Variants in SEC62 observed in about 807,000 individuals in gnomAD.
The protein encoded by SEC62 is translocation protein SEC62.
A neutral mutation model predicts 47.5 loss-of-function variants in SEC62; 10 were observed. The ratio of observed to expected loss-of-function variants is 0.21; its 90% confidence interval spans 0.13 to 0.36. SEC62 has a LOEUF of 0.36. Ranked by LOEUF, SEC62 falls within the 10% of genes least tolerant of loss-of-function variation. The probability of loss-of-function intolerance (pLI) is 1.00; values close to 1 mark genes in which losing one functional copy is unlikely to be tolerated. For missense variants in SEC62, 327 were observed against 464.1 expected (o/e 0.70, Z 2.71); for synonymous variants, 136 against 150.5 (o/e 0.90, Z 0.71).
At chr3:169,973,915 T>C (rs570011749) in intron 1 of SEC62, among the ~76,000 whole-genome samples, 46 of 152,294 alleles carry the variant, frequency 3.0e-4, no homozygotes, top group Middle Eastern at 3.4e-3. Context: ...ATGAGAGATG[T>C]ACCTGCCAGG....
intron 1 of SEC62, among the ~76,000 whole-genome samples, chr3:169,975,246 A>C (rs1714803985): frequency 6.7e-6 from 1 of 148,254 alleles, no homozygotes; most frequent in Non-Finnish European, 1.5e-5. Context: ...GCACCACTGC[A>C]CTCTAGCCTA....
chr3:169,975,280 C>CAAA (rs5854360), intron 1 of SEC62, among the ~76,000 whole-genome samples: 6 of 70,636 alleles, frequency 8.5e-5, no homozygotes, highest in Non-Finnish European at 1.1e-4. Flanking sequence ...GACTCCATCT[C>CAAA]AAAAAAAAAA....
At chr3:169,973,285 G>T (rs1224618455) in intron 1 of SEC62, among the ~76,000 whole-genome samples, 2 of 152,124 alleles carry the variant, frequency 1.3e-5, no homozygotes, top group African/African-American at 4.8e-5. Context: ...ATATTTTGCA[G>T]TCAGGCCTCA....
In SEC62 at chr3:169,993,097, A is replaced by C. The variant is rs1318867438; in HGVS notation, c.*34A>C. On this transcript the variant is annotated 3_prime_UTR_variant, in exon 8 of 8. Transcript: ENST00000337002. ...ATTTTGGGACTGAATGAATAAGTAC[A>C]AGAGGTTGGATTTTCTATGTTGGCT... The C allele has an allele frequency of 1.4e-6, 2 of 1,470,924 alleles. No homozygotes were observed. The highest frequency in any genetic ancestry group is 2.8e-5 in the South Asian group (2 of 71,776). 91.1% of individuals were successfully genotyped at this position (1,470,924 alleles called of 1,614,324 possible).
intron 7 of SEC62, among the ~76,000 whole-genome samples, chr3:169,988,940 T>C (rs560286086): frequency 8.7e-4 from 132 of 152,246 alleles, no homozygotes; most frequent in Admixed American, 1.8e-3. Flanking sequence ...ATTTAATAAA[T>C]GATTCTAAAC....
intron 1 of SEC62, among the ~76,000 whole-genome samples, chr3:169,967,307 C>A (rs1430222341): frequency 6.6e-6 from 1 of 152,198 alleles, no homozygotes; most frequent in Non-Finnish European, 1.5e-5. Flanking sequence ...AGGCGGCGGA[C>A]TGACCTAAAG....
chr3:169,967,027 G>C (rs113242995), intron 1 of SEC62, among the ~76,000 whole-genome samples, 169 bp downstream of exon 1: 50 of 152,322 alleles, frequency 3.3e-4, no homozygotes, highest in Admixed American at 1.4e-3. Flanking sequence ...GGGGCCTGAG[G>C]GGGGGCGGTG....
At chr3:169,982,679 T>C in intron 3 of SEC62, 28 bp from the exon 4 acceptor site, 1 of 1,600,758 alleles carries the variant, frequency 6.2e-7, no homozygotes, top group Non-Finnish European at 8.5e-7. Flanking sequence ...ATATGGGGAG[T>C]GTAATGCCAT....
chr3:169,993,203 A>G lies in SEC62; in HGVS notation c.*140A>G, dbSNP rs1314727871. ...ATGTATTTGACATTCAAGCAGTTAT[A>G]TTCGGTCCTTCATTTTATAGAATAT... On this transcript the variant is annotated 3_prime_UTR_variant, in exon 8 of 8. Coordinates refer to ENST00000337002, the MANE Select transcript of SEC62 (RefSeq NM_003262.4). 1 of 657,746 alleles carries G rather than the reference A, an allele frequency of 1.5e-6. No homozygotes were observed. The highest frequency in any genetic ancestry group is 2.6e-6 in the Non-Finnish European group (1 of 387,582). The allele number at this position is 657,746 out of a possible 1,614,324, so 40.7% of individuals were successfully genotyped here.
intron 3 of SEC62, among the ~76,000 whole-genome samples, chr3:169,979,306 G>A (rs1424095957): frequency 2.0e-5 from 3 of 152,180 alleles, no homozygotes; most frequent in Non-Finnish European, 4.4e-5. Flanking sequence ...CTCTTGACCA[G>A]TTTCTTTTTT....
intron 1 of SEC62, among the ~76,000 whole-genome samples, chr3:169,971,068 CTT>C (rs747459014): frequency 3.0e-4 from 41 of 136,874 alleles, no homozygotes; most frequent in African/African-American, 2.9e-4. Flanking sequence ...TCTCATGGTA[CTT>C]TTTTTTTTTT....
rs943178171 is a variant in SEC62, at chr3:169,976,896, A to G, written c.146-50A>G. On this transcript the variant is annotated intron_variant, in intron 2 of 7. Transcript: ENST00000337002. The stretch of plus-strand genomic sequence containing the variant: ...ACTTTATAAAATATTATTTAGATAG[A>G]CATAAATCCCCATGTATGCTAAATT... The G allele has an allele frequency of 4.0e-6, 5 of 1,252,012 alleles. No individual in the cohort carries two copies. In the South Asian group the frequency reaches 5.7e-5, roughly 14 times the overall value. 77.6% of individuals were successfully genotyped at this position (1,252,012 alleles called of 1,614,324 possible).
intron 1 of SEC62, among the ~76,000 whole-genome samples, chr3:169,969,761 CTTT>C (rs1356316685): frequency 6.6e-6 from 1 of 152,152 alleles, no homozygotes; most frequent in African/African-American, 2.4e-5. Flanking sequence ...ATCCTGACTT[CTTT>C]ATTATTGAAT....
In SEC62 at chr3:169,975,101, C is replaced by T. The variant is rs576601647; in HGVS notation, c.37-507C>T. Among the ~76,000 whole-genome samples, 4 of 151,924 alleles carry T rather than the reference C, an allele frequency of 2.6e-5. No homozygotes were observed. The East Asian group carries it at 7.8e-4, about 30-fold the overall frequency. On this transcript the variant is annotated intron_variant, in intron 1 of 7. Transcript: ENST00000337002. ...TTCAAGACCACCCTAGCCAACGTGG[C>T]GAAACCCTGTCTCTACTAAAAATAC... is the stretch of plus-strand genomic sequence containing the variant.
At position 169,992,219 on chromosome 3, in the gene SEC62, C is replaced by T. The variant is rs1438293676; in HGVS notation, c.731-375C>T. On this transcript the variant is annotated intron_variant, in intron 7 of 7. Transcript: ENST00000337002. This position sits in a 1 kb window ranked among gnomAD's most constrained non-coding sequence, Gnocchi z 4.0. ...AGAAGTGTATATCCATGTAAGTGTA[C>T]ACCCAGATGGAAAAAAGAAGTAATT... 6.6e-6 allele frequency among the ~76,000 whole-genome samples: 1 copy of T among 152,170 alleles called. No individual in the cohort carries two copies. Among genetic ancestry groups the T allele is most frequent in the African/African-American group, 2.4e-5 (1 of 41,438 alleles).
chr3:169,975,732 TA>T lies in SEC62; in HGVS notation c.145+20del. The T allele has an allele frequency of 6.7e-7, 1 of 1,501,306 alleles. No homozygotes were observed. The highest frequency in any genetic ancestry group is 9.3e-7 in the Non-Finnish European group (1 of 1,077,640). The allele number at this position is 1,501,306 out of a possible 1,614,324, so 93.0% of individuals were successfully genotyped here. A position where few individuals can be genotyped will look rare whatever the true frequency, so the allele number is the denominator to read the frequency against. ...TATTTTATTGGTAGGATTATATCAG[TA>T]AAATCGTATTAGTGTACATATGTTA... On this transcript the variant is annotated intron_variant, in intron 2 of 7. Coordinates refer to ENST00000337002, the MANE Select transcript of SEC62 (RefSeq NM_003262.4).
chr3:169,986,450 GA>G (rs1221203818), intron 6 of SEC62, among the ~76,000 whole-genome samples: 1 of 151,988 alleles, frequency 6.6e-6, no homozygotes, highest in Non-Finnish European at 1.5e-5. Flanking sequence ...TATACCATTT[GA>G]TCTAATAAAT....
At position 169,988,333 on chromosome 3, in the gene SEC62, T is replaced by G; in HGVS notation, c.704T>G (p.Val235Gly). 1 of 1,613,820 alleles carries G rather than the reference T, an allele frequency of 6.2e-7. No homozygotes were observed. The highest frequency in any genetic ancestry group is 8.5e-7 in the Non-Finnish European group (1 of 1,179,768). Residue 235 changes from valine (V) to glycine (G), a missense_variant, in exon 7 of 8, where the codon GTA (valine) becomes GGA (glycine). This residue lies in a region of SEC62 where 99 missense variants were observed against 194.0 expected (regional missense o/e 0.51). Coordinates refer to ENST00000337002, the MANE Select transcript of SEC62 (RefSeq NM_003262.4). ...YYLSVGAGCF[V>G]ASILLLAVAR... Reference sequence around the variant, plus strand: ...CTCAGTGTGGGTGCAGGCTGTTTTGTAGCCAGTATTCTTCTCCTTGCTGTT... The same window carrying G: ...CTCAGTGTGGGTGCAGGCTGTTTTGGAGCCAGTATTCTTCTCCTTGCTGTT...
At chr3:169,975,478 C>G in intron 1 of SEC62, 130 bp from the exon 2 acceptor site, 1 of 563,846 alleles carries the variant, frequency 1.8e-6, no homozygotes, top group South Asian at 2.6e-5. Flanking sequence ...TTAGGTCGCT[C>G]CAGAGAAAGC....
Sources: allele counts gnomAD v4.1 joint callset (sites outside exome capture counted in the v4.1 genomes callset), GRCh38; gene constraint gnomAD v4.1.1; regional missense constraint gnomAD v4.1.1; non-coding constraint Gnocchi (gnomAD v3.1); transcripts MANE v1.5; gene names NCBI Gene and HGNC (gene_info 2026-07-23, HGNC 2026-07-21).